The following AKAP3 variants were observed in gnomAD, a reference collection of about 807,000 sequenced individuals.
AKAP3 encodes the protein A-kinase anchoring protein 3, also known as A-kinase anchor protein 3.
AKAP3 carries 27 observed loss-of-function variants against 57.2 expected under a neutral mutation model. The observed-to-expected ratio is 0.47, with a 90% CI of 0.35 to 0.65. The LOEUF (loss-of-function observed/expected upper bound fraction) is 0.65. AKAP3 is among the 30% of genes least tolerant of loss of function. The pLI is 0.01. For missense variants in AKAP3, 959 were observed against 1,040.0 expected, an observed-to-expected ratio of 0.92 and a Z score of 1.07; for synonymous variants, 334 against 392.3, an observed-to-expected ratio of 0.85 and a Z score of 1.76.
rs1945426076 is a variant in AKAP3, at chr12:4,627,072, G to T, written c.1830C>A (p.Asp610Glu). ...NLLSETIFKR[D>E]QSPEPKVPEQ... ...CCGGCACCTTGGGTTCAGGGCTCTG[G>T]TCACGCTTGAAAATGGTCTCACTAA... The change falls in exon 5 of 6, where the codon GAC becomes GAA. Residue 610 changes from aspartate (D) to glutamate (E), a missense_variant. By Grantham distance (45) the Asp-to-Glu change is conservative. Coordinates refer to ENST00000228850, the MANE Select transcript of AKAP3 (RefSeq NM_001278309.2). The T allele has an allele frequency of 6.2e-7, 1 of 1,614,074 alleles. No homozygotes were observed. The highest frequency in any genetic ancestry group is 1.3e-5 in the African/African-American group (1 of 75,020).
chr12:4,636,717 A>C (rs188393867), intron 4 of AKAP3, among the ~76,000 whole-genome samples: 19 of 152,342 alleles, frequency 1.2e-4, no homozygotes, highest in African/African-American at 4.6e-4. Flanking sequence ...GGTCATTTGC[A>C]TTTGATTACA....
At position 4,625,327 on chromosome 12, in the gene AKAP3, C is replaced by A. The variant is rs1288463386; in HGVS notation, c.2406+1169G>T. 3.9e-5 allele frequency among the ~76,000 whole-genome samples: 6 copies of A among 152,066 alleles called. No homozygotes were observed. The highest frequency in any genetic ancestry group is 2.1e-4 in the South Asian group (1 of 4,826). The stretch of plus-strand genomic sequence containing the variant: ...CTTCTAAAAAGCTCCCAGGTGATGC[C>A]AATGTTGTAGGTCCACAGACTACAC... On this transcript the variant is annotated intron_variant, in intron 5 of 5. Coordinates refer to ENST00000228850, the MANE Select transcript of AKAP3 (RefSeq NM_001278309.2). This position sits in a 1 kb window ranked among gnomAD's most constrained non-coding sequence, Gnocchi z 5.4.
At chr12:4,622,928 A>C (rs1945363147) in intron 5 of AKAP3, among the ~76,000 whole-genome samples, 1 of 152,208 alleles carries the variant, frequency 6.6e-6, no homozygotes, top group East Asian at 1.9e-4. Flanking sequence ...ACAAATTTGC[A>C]AGAAAAAAAC....
chr12:4,629,323 T>C (rs891128784), intron 4 of AKAP3, among the ~76,000 whole-genome samples: 1 of 152,220 alleles, frequency 6.6e-6, no homozygotes, highest in Non-Finnish European at 1.5e-5. Context: ...GGTGTATACA[T>C]ACCACATTTT....
In AKAP3 at chr12:4,628,437, G is replaced by C. The variant is rs1369122001; in HGVS notation, c.465C>G (p.Val155=). The C allele has an allele frequency of 1.9e-6, 3 of 1,614,046 alleles. No homozygotes were observed. Among genetic ancestry groups the C allele is most frequent in the Admixed American group, 3.3e-5 (2 of 60,000 alleles). Residue 155 remains valine, a synonymous_variant, in exon 5 of 6, where the codon GTC becomes GTG. Transcript: ENST00000228850. The part of the protein sequence containing the change: ...EKIDGSENKC[V]YQSLYMGNEP... The stretch of plus-strand genomic sequence containing the variant: ...CATTCCCCATGTACAATGACTGATA[G>C]ACACATTTGTTTTCAGAGCCATCGA...
intron 4 of AKAP3, chr12:4,631,318 T>C (rs1254328438): frequency 1.4e-6 from 1 of 701,688 alleles, no homozygotes; most frequent in Admixed American, 2.0e-5. Context: ...TTGTCCATCT[T>C]AAGCTCACCA....
At chr12:4,616,901 CAT>C (rs1047815372) in intron 5 of AKAP3, among the ~76,000 whole-genome samples, 10 of 152,208 alleles carry the variant, frequency 6.6e-5, no homozygotes, top group African/African-American at 2.4e-4. Context: ...TGATGCAAAA[CAT>C]ATCTGAAGAA....
At position 4,631,047 on chromosome 12, in the gene AKAP3, C is replaced by A. The variant is rs368699212; in HGVS notation, c.97-2242G>T. On this transcript the variant is annotated intron_variant, in intron 4 of 5. Transcript: ENST00000228850. ...GATAAATGTCCTCATGAAACAGGTG[C>A]ACTAGGTGTGTCTTTTCTCAGCCTC... is the stretch of plus-strand genomic sequence containing the variant. Among the ~76,000 whole-genome samples, 4 of 152,084 alleles carry A rather than the reference C, an allele frequency of 2.6e-5. No individual in the cohort carries two copies. The East Asian group carries it at 7.7e-4, about 29-fold the overall frequency.
intron 3 of AKAP3, among the ~76,000 whole-genome samples, chr12:4,639,052 T>C (rs1049038491): frequency 2.0e-4 from 30 of 152,378 alleles, no homozygotes; most frequent in Admixed American, 1.7e-3. Flanking sequence ...ATATTGCTTA[T>C]ACCTGCTGCT....
At chr12:4,637,850 A>T (rs1282714359) in intron 4 of AKAP3, among the ~76,000 whole-genome samples, 1 of 152,140 alleles carries the variant, frequency 6.6e-6, no homozygotes, top group Non-Finnish European at 1.5e-5. Context: ...TACATACATG[A>T]TATATGTTAT....
intron 5 of AKAP3, among the ~76,000 whole-genome samples, chr12:4,616,296 T>G (rs1458641288): frequency 6.6e-6 from 1 of 152,180 alleles, no homozygotes; most frequent in Non-Finnish European, 1.5e-5. Flanking sequence ...TCAACCCTCA[T>G]GAAAATGTTT....
intron 5 of AKAP3, among the ~76,000 whole-genome samples, chr12:4,624,092 A>G (rs1226309548): frequency 6.6e-6 from 1 of 152,176 alleles, no homozygotes; most frequent in East Asian, 1.9e-4. Flanking sequence ...AATTATGTAT[A>G]TTCAAGGATA....
chr12:4,641,447 C>G (rs527832770), intron 3 of AKAP3, among the ~76,000 whole-genome samples: 65 of 152,304 alleles, frequency 4.3e-4, no homozygotes, highest in Admixed American at 3.3e-3. Context: ...CTCCTGACCT[C>G]AAGTGATCCG....
chr12:4,642,025 T>C (rs1438646709), intron 2 of AKAP3, 21 bp from the exon 3 acceptor site: 1 of 152,220 alleles, frequency 6.6e-6, no homozygotes, highest in African/African-American at 2.4e-5. Context: ...AAGACACAGA[T>C]AAAAATGACT....
intron 5 of AKAP3, among the ~76,000 whole-genome samples, chr12:4,616,643 C>G (rs558787962): frequency 2.6e-4 from 39 of 152,108 alleles, no homozygotes; most frequent in African/African-American, 8.4e-4. Flanking sequence ...AATTTTAGAA[C>G]TAAAACTTAC....
At chr12:4,644,894 C>T (rs563579510) in intron 2 of AKAP3, among the ~76,000 whole-genome samples, 161 bp downstream of exon 2, 19 of 152,162 alleles carry the variant, frequency 1.2e-4, no homozygotes, top group African/African-American at 4.3e-4. Flanking sequence ...AGTTGGGCAA[C>T]AGAGTGAGAC....
At chr12:4,628,829 C>A in intron 4 of AKAP3, 24 bp from the exon 5 acceptor site, 2 of 1,572,460 alleles carry the variant, frequency 1.3e-6, no homozygotes, top group South Asian at 1.2e-5. Context: ...AAGGATTCAT[C>A]TGACTATAAC....
intron 1 of AKAP3, chr12:4,645,787 T>C (rs1450099822): frequency 6.6e-6 from 1 of 152,014 alleles, no homozygotes; most frequent in Non-Finnish European, 1.5e-5. Flanking sequence ...GGCCTGAGGG[T>C]TGGGGACCTC....
At chr12:4,637,246 C>T (rs1413895475) in intron 4 of AKAP3, among the ~76,000 whole-genome samples, 1 of 152,176 alleles carries the variant, frequency 6.6e-6, no homozygotes, top group South Asian at 2.1e-4. Flanking sequence ...CAGAGCTAAA[C>T]CCTAAACATT....
Sources: gnomAD v4.1 joint callset for allele counts (sites outside exome capture counted in the v4.1 genomes callset) on GRCh38, gnomAD v4.1.1 for gene constraint, Gnocchi (gnomAD v3.1) non-coding constraint, MANE v1.5 for transcripts, NCBI Gene and HGNC (gene_info 2026-07-23, HGNC 2026-07-21) for gene names.